The following KLHL26 variants were observed in gnomAD, a reference collection of about 807,000 sequenced individuals.
The protein encoded by KLHL26 is kelch-like protein 26.
KLHL26 carries 4 observed loss-of-function variants against 7.1 expected under a neutral mutation model. The ratio of observed to expected loss-of-function variants is 0.56; its 90% confidence interval spans 0.28 to 1.28. KLHL26 has a LOEUF of 1.28. KLHL26 is among the 50% of genes most tolerant of loss of function. KLHL26 has a pLI of 0.11. For synonymous variants in KLHL26, 465 were observed against 414.1 expected (o/e 1.12, Z -1.49); for missense variants, 896 against 924.6 (o/e 0.97, Z 0.40).
In KLHL26 at chr19:18,668,956, T is replaced by C. The variant is rs1459492232; in HGVS notation, c.1559T>C (p.Val520Ala). The change falls in exon 3 of 3, where the codon GTG becomes GCG. Residue 520 changes from valine (V) to alanine (A), a missense_variant. Transcript: ENST00000300976. ...GCCCTCGGGGGCCGCATGGACCACG[T>C]GGACCGCTGCTTCGACGTGCTGGCT... ...IYALGGRMDHVDRCFDVLAVE... is the reference protein window; with the variant it reads ...IYALGGRMDHADRCFDVLAVE... The C allele has an allele frequency of 5.0e-6, 8 of 1,611,206 alleles. No individual in the cohort carries two copies. The highest frequency in any genetic ancestry group is 8.5e-7 in the Non-Finnish European group (1 of 1,179,918).
At chr19:18,658,424 T>C (rs1335644146) in intron 1 of KLHL26, among the ~76,000 whole-genome samples, 1 of 151,980 alleles carries the variant, frequency 6.6e-6, no homozygotes, top group Non-Finnish European at 1.5e-5. Context: ...CCACCATTTC[T>C]GCTTCCCTTC....
At chr19:18,658,302 G>T (rs910254014) in intron 1 of KLHL26, among the ~76,000 whole-genome samples, 1 of 152,032 alleles carries the variant, frequency 6.6e-6, no homozygotes, top group African/African-American at 2.4e-5. Flanking sequence ...AGAGTAGGGT[G>T]GTGGCTGTGA....
chr19:18,665,213 C>G (rs183101923), intron 2 of KLHL26, among the ~76,000 whole-genome samples: 159 of 152,168 alleles, frequency 1.0e-3, no homozygotes, highest in Non-Finnish European at 2.0e-3. Flanking sequence ...CATGCCACCA[C>G]ACCTGGCTAA....
chr19:18,645,015 C>CTCCT (rs554930104), intron 1 of KLHL26, among the ~76,000 whole-genome samples: 44 of 152,278 alleles, frequency 2.9e-4, no homozygotes, highest in Non-Finnish European at 5.9e-4. Flanking sequence ...AAAGCTTATT[C>CTCCT]TCCTTCCTTC....
chr19:18,655,326 C>T (rs956939594), intron 1 of KLHL26, among the ~76,000 whole-genome samples: 1 of 152,212 alleles, frequency 6.6e-6, no homozygotes, highest in Non-Finnish European at 1.5e-5. Flanking sequence ...GCTGTCTCAG[C>T]CCTCTGAGCC....
rs1224922036 is a variant in KLHL26 at position 18,656,444 on chromosome 19, G to C, written c.84-7817G>C. Among the ~76,000 whole-genome samples the C allele has an allele frequency of 1.3e-5, 2 of 152,152 alleles. No individual in the cohort carries two copies. Among genetic ancestry groups the C allele is most frequent in the Non-Finnish European group, 1.5e-5 (1 of 68,016 alleles). On this transcript the variant is annotated intron_variant, in intron 1 of 2. Coordinates refer to ENST00000300976, the MANE Select transcript of KLHL26 (RefSeq NM_018316.3). This position sits in a 1 kb window ranked among gnomAD's most constrained non-coding sequence, Gnocchi z 4.4. ...CCTGGCCGTCACTTGGCTGTCTGGG[G>C]GTGCCAGCCCTGGGTACAGTGGCCT...
chr19:18,668,458 C>T lies in KLHL26; in HGVS notation c.1061C>T (p.Thr354Met), dbSNP rs771953274. The T allele has an allele frequency of 4.3e-6, 7 of 1,610,852 alleles. No individual in the cohort carries two copies. The highest frequency in any genetic ancestry group is 2.2e-5 in the South Asian group (2 of 91,064). ...LTEMEVGCSHTCVAVLDNFVY... is the reference protein window; with the variant it reads ...LTEMEVGCSHMCVAVLDNFVY... ...GAGATGGAGGTAGGCTGCAGCCACA[C>T]GTGCGTGGCCGTGCTGGACAATTTT... Residue 354 changes from threonine (T) to methionine (M), a missense_variant, in exon 3 of 3, where the codon ACG (threonine) becomes ATG (methionine). By Grantham distance (81) the Thr-to-Met change is moderately conservative. Coordinates refer to ENST00000300976, the MANE Select transcript of KLHL26 (RefSeq NM_018316.3).
At position 18,668,955 on chromosome 19, in the gene KLHL26, G is replaced by T. The variant is rs781498774; in HGVS notation, c.1558G>T (p.Val520Leu). The stretch of plus-strand genomic sequence containing the variant: ...TGCCCTCGGGGGCCGCATGGACCAC[G>T]TGGACCGCTGCTTCGACGTGCTGGC... ...IYALGGRMDH[V>L]DRCFDVLAVE... is the part of the protein sequence containing the mutation. The change falls in exon 3 of 3, where the codon GTG becomes TTG. Residue 520 changes from valine to leucine, a missense_variant. Physicochemically the swap from Val to Leu is conservative, Grantham distance 32. Coordinates refer to ENST00000300976, the MANE Select transcript of KLHL26 (RefSeq NM_018316.3). 3 of 1,611,094 alleles carry T rather than the reference G, an allele frequency of 1.9e-6. No homozygotes were observed. Among genetic ancestry groups the T allele is most frequent in the South Asian group, 1.1e-5 (1 of 91,084 alleles).
intron 1 of KLHL26, among the ~76,000 whole-genome samples, chr19:18,643,623 C>T (rs1976753395): frequency 6.6e-6 from 1 of 151,822 alleles, no homozygotes; most frequent in South Asian, 2.1e-4. Context: ...AGATTACAGA[C>T]ATGTGCCACC....
chr19:18,652,905 T>TTACAGA (rs2052275700), intron 1 of KLHL26, among the ~76,000 whole-genome samples: 1 of 152,176 alleles, frequency 6.6e-6, no homozygotes, highest in Non-Finnish European at 1.5e-5. Context: ...TCATCCCATT[T>TTACAGA]TACAGATGGG....
chr19:18,647,735 C>T (rs777006510), intron 1 of KLHL26, among the ~76,000 whole-genome samples: 5 of 151,948 alleles, frequency 3.3e-5, no homozygotes, highest in Admixed American at 1.3e-4. Flanking sequence ...AATAATTCAG[C>T]GACTTGGGGC....
chr19:18,657,451 A>T (rs2052346402), intron 1 of KLHL26, among the ~76,000 whole-genome samples: 2 of 129,764 alleles, frequency 1.5e-5, no homozygotes, highest in African/African-American at 3.0e-5. Context: ...TGGGTCTCTG[A>T]GTCTCTGTGC....
rs562453330 is a variant in KLHL26, at chr19:18,644,250, T to TA, written c.83+7114dup. On this transcript the variant is annotated intron_variant, in intron 1 of 2. Coordinates refer to ENST00000300976, the MANE Select transcript of KLHL26 (RefSeq NM_018316.3). Reference sequence around the variant, plus strand: ...CCTAAATCAGCACTTCATTCCTTTTTATGGCTGAGTAATATTCCACTGTGT... The same window carrying TA: ...CCTAAATCAGCACTTCATTCCTTTTTAATGGCTGAGTAATATTCCACTGTGT... 3.4e-3 allele frequency among the ~76,000 whole-genome samples: 521 copies of TA among 152,370 alleles called. 11 individuals are homozygous for TA. The highest frequency in any genetic ancestry group is 0.031 in the Admixed American group (467 of 15,302).
intron 1 of KLHL26, among the ~76,000 whole-genome samples, chr19:18,640,596 T>A (rs1976697227): frequency 6.8e-6 from 1 of 147,902 alleles, no homozygotes; most frequent in Non-Finnish European, 1.5e-5. Context: ...TCTCTCTCTG[T>A]TGCCCAGCAG....
rs1568465887 is a variant in KLHL26 at position 18,669,246 on chromosome 19, C to T, written c.*1C>T. The T allele has an allele frequency of 1.9e-6, 3 of 1,604,024 alleles. No individual in the cohort carries two copies. The highest frequency in any genetic ancestry group is 1.7e-6 in the Non-Finnish European group (2 of 1,177,380). ...GCCCCGGGCCGGGACCAGGAGGTAG[C>T]CCCCAAGACCCCCGGGACCCTGGCC... is the stretch of plus-strand genomic sequence containing the variant. On this transcript the variant is annotated 3_prime_UTR_variant, in exon 3 of 3. Transcript: ENST00000300976.
intron 1 of KLHL26, 29 bp downstream of exon 1, chr19:18,637,166 C>T: frequency 7.7e-7 from 1 of 1,295,340 alleles, no homozygotes; most frequent in South Asian, 2.5e-5. Flanking sequence ...GATAGACCTG[C>T]ACCTGTCTTG....
chr19:18,639,878 A>G (rs1270984161), intron 1 of KLHL26, among the ~76,000 whole-genome samples: 1 of 151,984 alleles, frequency 6.6e-6, no homozygotes, highest in Non-Finnish European at 1.5e-5. Context: ...CACTCTCTGT[A>G]GCTTTGCCTT....
rs951674718 is a variant in KLHL26 at position 18,650,808 on chromosome 19, G to A, written c.84-13453G>A. On this transcript the variant is annotated intron_variant, in intron 1 of 2. Transcript: ENST00000300976. The surrounding 1 kb of genome is among the most constrained non-coding windows in gnomAD (Gnocchi z 4.2). Reference sequence around the variant, plus strand: ...CGTGGCGGACGGAGTGGAGCCGTCTGTCTCGTCACAGACAGGCGGGGCTGC... The same window carrying A: ...CGTGGCGGACGGAGTGGAGCCGTCTATCTCGTCACAGACAGGCGGGGCTGC... Among the ~76,000 whole-genome samples the A allele has an allele frequency of 1.3e-5, 2 of 152,224 alleles. No homozygotes were observed. The highest frequency in any genetic ancestry group is 3.8e-4 in the East Asian group (2 of 5,196).
At position 18,664,309 on chromosome 19, in the gene KLHL26, C is replaced by T. The variant is rs1315296261; in HGVS notation, c.132C>T (p.Ser44=). ...GALKCTFSAP[S]HSTSLLQGLA... ...TCAAGTGCACCTTCTCGGCACCCAG[C>T]CACAGCACCAGCCTCCTGCAGGGCC... Residue 44 remains serine (S), a synonymous_variant, in exon 2 of 3, where the codon AGC becomes AGT. Transcript: ENST00000300976. 2 of 1,608,748 alleles carry T rather than the reference C, an allele frequency of 1.2e-6. No homozygotes were observed. The highest frequency in any genetic ancestry group is 2.7e-5 in the African/African-American group (2 of 75,040).
Sources: allele counts gnomAD v4.1 joint callset (sites outside exome capture counted in the v4.1 genomes callset), GRCh38; gene constraint gnomAD v4.1.1; non-coding constraint Gnocchi (gnomAD v3.1); transcripts MANE v1.5; gene names NCBI Gene and HGNC (gene_info 2026-07-23, HGNC 2026-07-21).